KDM4C: variants seen among roughly 807,000 people sequenced by gnomAD.
KDM4C encodes lysine-specific demethylase 4C.
KDM4C carries 81 observed loss-of-function variants against 129.3 expected under a neutral mutation model. The observed-to-expected ratio is 0.63, with a 90% CI of 0.52 to 0.75. The LOEUF is 0.75. KDM4C is among the 30% of genes least tolerant of loss of function. KDM4C has a pLI of 0.00. For synonymous variants in KDM4C, 573 were observed against 456.1 expected (o/e 1.26, Z -3.26); for missense variants, 1,457 against 1,304.0 (o/e 1.12, Z -1.81).
chr9:6,892,331 G>A (rs1033787757), intron 7 of KDM4C, among the ~76,000 whole-genome samples: 3 of 151,996 alleles, frequency 2.0e-5, no homozygotes, highest in Admixed American at 6.6e-5. Flanking sequence ...TTTTAAAAAA[G>A]AAACAACACT....
intron 5 of KDM4C, among the ~76,000 whole-genome samples, chr9:6,867,542 A>T (rs1037075999): frequency 6.6e-6 from 1 of 152,222 alleles, no homozygotes; most frequent in Admixed American, 6.5e-5. Flanking sequence ...TTATATGGGC[A>T]TGTTTTTCAT....
intron 19 of KDM4C, among the ~76,000 whole-genome samples, chr9:7,162,201 G>T (rs948000784): frequency 6.6e-6 from 1 of 152,186 alleles, no homozygotes; most frequent in East Asian, 1.9e-4. Flanking sequence ...TACATAGTTG[G>T]TTTGTTATTT....
intron 18 of KDM4C, among the ~76,000 whole-genome samples, chr9:7,114,984 C>T (rs1341357122): frequency 6.6e-6 from 1 of 152,112 alleles, no homozygotes; most frequent in African/African-American, 2.4e-5. Context: ...GAGGCTGAGG[C>T]TATAGGATCA....
intron 5 of KDM4C, among the ~76,000 whole-genome samples, chr9:6,854,556 A>AC (rs1465391209): frequency 2.0e-5 from 3 of 150,680 alleles, no homozygotes; most frequent in African/African-American, 7.3e-5. Flanking sequence ...CAAAAAAAAA[A>AC]CTAACTTTCA....
At chr9:6,784,087 G>C (rs1370559903) in intron 1 of KDM4C, among the ~76,000 whole-genome samples, 1 of 152,076 alleles carries the variant, frequency 6.6e-6, no homozygotes, top group Non-Finnish European at 1.5e-5. Flanking sequence ...TTCAAAGCCA[G>C]CATGCAGATG....
At chr9:7,093,017 G>C (rs796584021) in intron 17 of KDM4C, among the ~76,000 whole-genome samples, 1 of 152,088 alleles carries the variant, frequency 6.6e-6, no homozygotes, top group Non-Finnish European at 1.5e-5. Context: ...AGAAGTTAAC[G>C]TTCTCACTCT....
intron 1 of KDM4C, among the ~76,000 whole-genome samples, chr9:6,786,689 T>A (rs1345848822): frequency 1.3e-5 from 2 of 152,182 alleles, no homozygotes; most frequent in African/African-American, 2.4e-5. Flanking sequence ...CAAGAGGGAC[T>A]GGGGATTTAA....
chr9:6,986,750 T>G, intron 11 of KDM4C, 84 bp downstream of exon 11: 1 of 921,888 alleles, frequency 1.1e-6, no homozygotes, highest in Non-Finnish European at 1.6e-6. Flanking sequence ...ACTGAAATCC[T>G]CCTTTAGGGC....
chr9:6,812,981 G>C (rs1389244308), intron 3 of KDM4C, among the ~76,000 whole-genome samples: 1 of 152,144 alleles, frequency 6.6e-6, no homozygotes, highest in Non-Finnish European at 1.5e-5. Context: ...TTCGAGACCA[G>C]CCTGACCAAC....
intron 19 of KDM4C, among the ~76,000 whole-genome samples, chr9:7,135,514 G>C (rs764820383): frequency 3.2e-4 from 48 of 152,064 alleles, no homozygotes; most frequent in Admixed American, 1.6e-3. Flanking sequence ...ATATTCATGG[G>C]TGAGCCTGCT....
intron 8 of KDM4C, chr9:6,941,534 T>A (rs1467009026): frequency 6.6e-6 from 1 of 152,182 alleles, no homozygotes; most frequent in African/African-American, 2.4e-5. Flanking sequence ...AAAAACCATA[T>A]TACATTTCAG....
intron 9 of KDM4C, chr9:6,982,790 G>C (rs899526993): frequency 6.6e-6 from 1 of 152,158 alleles, no homozygotes; most frequent in Non-Finnish European, 1.5e-5. Flanking sequence ...GGGCCTTTTG[G>C]GTTGATAGAG....
Position 6,888,062 on chromosome 9 carries a change from A to G in KDM4C, c.782A>G (p.Lys261Arg). The G allele has an allele frequency of 6.8e-7, 1 of 1,473,990 alleles. No homozygotes were observed. Among genetic ancestry groups the G allele is most frequent in the Non-Finnish European group, 9.4e-7 (1 of 1,060,190 alleles). 91.3% of individuals were successfully genotyped at this position (1,473,990 alleles called of 1,614,324 possible). A position where few individuals can be genotyped will look rare whatever the true frequency, so the allele number is the denominator to read the frequency against. Residue 261 changes from lysine to arginine, a missense_variant and splice_region_variant, in exon 7 of 22, where the codon AAG becomes AGG. Lys to Arg is a conservative substitution (Grantham distance 26, BLOSUM62 2). Coordinates refer to ENST00000381309, the MANE Select transcript of KDM4C (RefSeq NM_015061.6). ...AAGAAATATGGTATTCCCTTTGACAAGGTATGTTAGTATTCATCTTACACA... is the reference window on the plus strand; with the variant it reads ...AAGAAATATGGTATTCCCTTTGACAGGGTATGTTAGTATTCATCTTACACA... Reference protein sequence around the residue: ...VLKKYGIPFDKITQEAGEFMI... With the variant: ...VLKKYGIPFDRITQEAGEFMI...
intron 12 of KDM4C, among the ~76,000 whole-genome samples, chr9:6,993,210 A>G (rs1347600390): frequency 6.6e-6 from 1 of 152,192 alleles, no homozygotes; most frequent in African/African-American, 2.4e-5. Flanking sequence ...TAAAAGAATA[A>G]TGATTAGAAT....
chr9:7,134,904 C>T (rs923119486), intron 19 of KDM4C, among the ~76,000 whole-genome samples: 2 of 152,198 alleles, frequency 1.3e-5, no homozygotes, highest in Non-Finnish European at 2.9e-5. Context: ...GTGCCTTTCA[C>T]TGGGGTCCTG....
At chr9:7,039,757 T>G (rs1202066301) in intron 15 of KDM4C, among the ~76,000 whole-genome samples, 1 of 152,058 alleles carries the variant, frequency 6.6e-6, no homozygotes, top group Non-Finnish European at 1.5e-5. Flanking sequence ...TGGATCATCA[T>G]AAAGGTCTTC....
intron 3 of KDM4C, among the ~76,000 whole-genome samples, chr9:6,810,044 G>A (rs994975175): frequency 2.0e-5 from 3 of 152,024 alleles, no homozygotes; most frequent in Non-Finnish European, 4.4e-5. Context: ...ACTCTAAGAG[G>A]CAATCATTGT....
chr9:6,812,748 C>G (rs903801881), intron 3 of KDM4C, among the ~76,000 whole-genome samples: 1 of 152,212 alleles, frequency 6.6e-6, no homozygotes, highest in Non-Finnish European at 1.5e-5. Flanking sequence ...ACACCTGTCT[C>G]TGTCACCTGA....
chr9:6,844,691 T>C (rs568756276), intron 4 of KDM4C, among the ~76,000 whole-genome samples: 4 of 152,146 alleles, frequency 2.6e-5, no homozygotes, highest in Non-Finnish European at 5.9e-5. Context: ...ATAGGACTGA[T>C]ATTTCTTTTT....
Sources: allele counts gnomAD v4.1 joint callset (sites outside exome capture counted in the v4.1 genomes callset), GRCh38; gene constraint gnomAD v4.1.1; transcripts MANE v1.5; gene names NCBI Gene and HGNC (gene_info 2026-07-23, HGNC 2026-07-21).